The following MAML3 variants were observed in gnomAD, a reference collection of about 807,000 sequenced individuals.
MAML3 encodes the protein mastermind like transcriptional coactivator 3.
MAML3 carries 27 observed loss-of-function variants against 101.9 expected under a neutral mutation model. The ratio of observed to expected loss-of-function variants is 0.27; its 90% CI spans 0.20 to 0.37. MAML3 has a LOEUF of 0.37. Among genes scored for constraint, MAML3 ranks in the 10% least tolerant of loss-of-function variants. The pLI, the probability that MAML3 is intolerant of heterozygous loss-of-function variation, is 1.00. For synonymous variants in MAML3, 501 were observed against 555.9 expected, an observed-to-expected ratio of 0.90 and a Z score of 1.39; for missense variants, 1,316 against 1,444.9, an observed-to-expected ratio of 0.91 and a Z score of 1.45.
chr4:139,859,989 C>CT, intron 2 of MAML3, among the ~76,000 whole-genome samples: 1 of 152,282 alleles, frequency 6.6e-6, no homozygotes, highest in South Asian at 2.1e-4. Flanking sequence ...GCGGGAGGGG[C>CT]TAGAGGAGCA....
At position 139,990,656 on chromosome 4, in the gene MAML3, C is replaced by T. The variant is rs1347632856; in HGVS notation, c.469-99689G>A. Among the ~76,000 whole-genome samples the T allele has an allele frequency of 6.4e-3, 967 of 151,308 alleles. 9 individuals carry two copies. Among genetic ancestry groups the T allele is most frequent in the African/African-American group, 0.022 (894 of 41,152 alleles). ...TGATTGTATATCTAGAAAACCCCAT[C>T]GTCTCAGCCCAAAATCTCCTTAAGC... On this transcript the variant is annotated intron_variant, in intron 1 of 4. Coordinates refer to ENST00000509479, the MANE Select transcript of MAML3 (RefSeq NM_018717.5).
At chr4:139,969,042 A>T (rs769720313) in intron 1 of MAML3, among the ~76,000 whole-genome samples, 8 of 151,864 alleles carry the variant, frequency 5.3e-5, no homozygotes. Flanking sequence ...TCCCAGCCAG[A>T]GTGGGAAGGG....
intron 2 of MAML3, among the ~76,000 whole-genome samples, chr4:139,739,190 C>T (rs1280044585): frequency 6.6e-6 from 1 of 152,138 alleles, no homozygotes; most frequent in African/African-American, 2.4e-5. Flanking sequence ...AAATGATGGC[C>T]CTATAATGGA....
intron 1 of MAML3, among the ~76,000 whole-genome samples, chr4:140,074,574 A>G (rs560028500): frequency 1.3e-5 from 2 of 152,368 alleles, no homozygotes; most frequent in African/African-American, 4.8e-5. Flanking sequence ...ACAAGCACAC[A>G]ACATGCAGTC....
chr4:140,058,112 A>G (rs1449176834), intron 1 of MAML3, among the ~76,000 whole-genome samples: 2 of 152,206 alleles, frequency 1.3e-5, no homozygotes, highest in Non-Finnish European at 2.9e-5. Flanking sequence ...TACTTTATTC[A>G]TTTAAGAAGT....
intron 1 of MAML3, among the ~76,000 whole-genome samples, chr4:139,948,105 T>TAAATAAAG (rs1733765150): frequency 6.9e-6 from 1 of 144,798 alleles, no homozygotes; most frequent in Non-Finnish European, 1.5e-5. Context: ...CATCTCAAAA[T>TAAATAAAG]AAATAAATAA....
At chr4:139,865,505 T>G (rs200899566) in intron 2 of MAML3, among the ~76,000 whole-genome samples, 2 of 148,526 alleles carry the variant, frequency 1.3e-5, no homozygotes, top group Non-Finnish European at 3.0e-5. Flanking sequence ...TGTTTTTTTT[T>G]TTTTTCATTC....
intron 2 of MAML3, among the ~76,000 whole-genome samples, chr4:139,803,238 AG>A (rs1465053749): frequency 2.2e-4 from 33 of 152,348 alleles, no homozygotes; most frequent in Middle Eastern, 3.4e-3. Flanking sequence ...TCTGGGCAAC[AG>A]AGTGAGACCC....
Position 139,890,733 on chromosome 4 carries a change from G to A in MAML3, c.703C>T (p.His235Tyr). ...AGATCTTCTAGAAGCCCAGGAGTGT[G>A]AGTTCCACTGTTCTGCAAGGGCAAA... is the stretch of plus-strand genomic sequence containing the variant. ...PSLPLQNSGTHTPGLLEDLSK... is the reference protein window; with the variant it reads ...PSLPLQNSGTYTPGLLEDLSK... Residue 235 changes from histidine (H) to tyrosine (Y), a missense_variant, in exon 2 of 5, where the codon CAC becomes TAC. Coordinates refer to ENST00000509479, the MANE Select transcript of MAML3 (RefSeq NM_018717.5). This position sits in a 1 kb window ranked among gnomAD's most constrained non-coding sequence, Gnocchi z 4.1. 1 of 1,614,040 alleles carries A rather than the reference G, an allele frequency of 6.2e-7. No homozygotes were observed. The highest frequency in any genetic ancestry group is 8.5e-7 in the Non-Finnish European group (1 of 1,179,904).
chr4:139,767,871 GT>G, intron 2 of MAML3, among the ~76,000 whole-genome samples: 1 of 152,206 alleles, frequency 6.6e-6, no homozygotes, highest in African/African-American at 2.4e-5. Context: ...TGACCACTTG[GT>G]TCCTCCTTGA....
intron 1 of MAML3, among the ~76,000 whole-genome samples, chr4:139,940,646 C>A (rs1733583032): frequency 6.6e-6 from 1 of 152,272 alleles, no homozygotes; most frequent in Non-Finnish European, 1.5e-5. Flanking sequence ...ACGAATGAGC[C>A]CCGATACTCA....
At chr4:140,013,114 G>T (rs1486343127) in intron 1 of MAML3, among the ~76,000 whole-genome samples, 2 of 152,134 alleles carry the variant, frequency 1.3e-5, no homozygotes, top group African/African-American at 2.4e-5. Context: ...AATAAAGAAA[G>T]AACTATTTGG....
intron 1 of MAML3, among the ~76,000 whole-genome samples, chr4:139,987,148 A>G (rs1436554407): frequency 6.6e-6 from 1 of 152,212 alleles, no homozygotes; most frequent in African/African-American, 2.4e-5. Flanking sequence ...AAAAAGATAA[A>G]TGGATAAATT....
At position 139,730,415 on chromosome 4, in the gene MAML3, C is replaced by T; in HGVS notation, c.2331+1G>A. ...ATGAATCACGCCAAGGGGCATGTTA[C>T]CTGTTCCGCCAAAATCTGCTGCTGC... On this transcript the variant is annotated splice_donor_variant, in intron 3 of 4. Transcript: ENST00000509479. LOFTEE classifies it high-confidence loss of function. 1 of 1,535,506 alleles carries T rather than the reference C, an allele frequency of 6.5e-7. No individual in the cohort carries two copies. Among genetic ancestry groups the T allele is most frequent in the South Asian group, 1.2e-5 (1 of 83,128 alleles).
At chr4:140,122,164 T>G (rs1057302339) in intron 1 of MAML3, among the ~76,000 whole-genome samples, 2 of 151,754 alleles carry the variant, frequency 1.3e-5, no homozygotes, top group African/African-American at 4.8e-5. Flanking sequence ...TTTTGAATAC[T>G]TATTTTTTAA....
chr4:139,892,418 C>T (rs917768231), intron 1 of MAML3, among the ~76,000 whole-genome samples: 40 of 152,042 alleles, frequency 2.6e-4, no homozygotes, highest in African/African-American at 9.4e-4. Flanking sequence ...TAATATGCCC[C>T]CTCATCTCCT....
At chr4:140,104,828 A>G (rs2111002637) in intron 1 of MAML3, among the ~76,000 whole-genome samples, 1 of 151,684 alleles carries the variant, frequency 6.6e-6, no homozygotes, top group African/African-American at 2.4e-5. Context: ...TAAATAAAAG[A>G]ATAAAGGCAT....
chr4:139,978,839 C>CTATA (rs1288151580), intron 1 of MAML3, among the ~76,000 whole-genome samples: 1 of 152,104 alleles, frequency 6.6e-6, no homozygotes, highest in Non-Finnish European at 1.5e-5. Flanking sequence ...ACAGAACTGG[C>CTATA]TATATAGCAG....
Position 139,725,848 on chromosome 4 carries a change from A to C in MAML3, c.2332-13T>G. 6.2e-7 allele frequency: 1 copy of C among 1,611,930 alleles called. No individual in the cohort carries two copies. Among genetic ancestry groups the C allele is most frequent in the Non-Finnish European group, 8.5e-7 (1 of 1,178,106 alleles). Reference sequence around the variant, plus strand: ...ATTGCTGCAACTGCTAGAACAACAGAACACAAGAGGGGTGGAGAGGTGAGA... The same window carrying C: ...ATTGCTGCAACTGCTAGAACAACAGCACACAAGAGGGGTGGAGAGGTGAGA... On this transcript the variant is annotated splice_polypyrimidine_tract_variant and intron_variant, in intron 3 of 4. Transcript: ENST00000509479.
Sources: allele counts gnomAD v4.1 joint callset (sites outside exome capture counted in the v4.1 genomes callset), GRCh38; gene constraint gnomAD v4.1.1; non-coding constraint Gnocchi (gnomAD v3.1); transcripts MANE v1.5; gene names NCBI Gene and HGNC (gene_info 2026-07-23, HGNC 2026-07-21).